The following FSTL5 variants were observed in gnomAD, a reference collection of about 807,000 sequenced individuals.
FSTL5 encodes follistatin-related protein 5.
A neutral mutation model predicts 89.1 loss-of-function variants in FSTL5; 62 were observed. The observed-to-expected ratio is 0.70, with a 90% CI of 0.57 to 0.86. FSTL5 has a LOEUF of 0.86. FSTL5 is among the 40% of genes least tolerant of loss of function. The pLI is 0.00. For missense variants in FSTL5, 1,057 were observed against 1,001.6 expected (o/e 1.06, Z -0.75); for synonymous variants, 383 against 346.2 (o/e 1.11, Z -1.18).
chr4:161,469,592 C>T (rs1308696977), intron 13 of FSTL5, among the ~76,000 whole-genome samples: 3 of 151,492 alleles, frequency 2.0e-5, no homozygotes, highest in Admixed American at 6.6e-5. Context: ...ATATGTATAA[C>T]GTCTTTGAAA....
intron 3 of FSTL5, among the ~76,000 whole-genome samples, chr4:161,975,737 A>C (rs1578908962): frequency 6.7e-6 from 1 of 148,372 alleles, no homozygotes; most frequent in Admixed American, 6.9e-5. Flanking sequence ...CATGTACCCT[A>C]AAACTTAAAG....
Position 161,385,346 on chromosome 4 carries a change from A to C in FSTL5, c.*401T>G, listed in dbSNP as rs772053163. 4.9e-5 allele frequency: 8 copies of C among 164,848 alleles called. No individual in the cohort carries two copies. The highest frequency in any genetic ancestry group is 9.3e-5 in the Non-Finnish European group (7 of 75,610). 10.2% of individuals were successfully genotyped at this position (164,848 alleles called of 1,614,324 possible). ...GAATTAAGAATTTTAAGTTTCCACA[A>C]CACCTTTTATTTCTTGTTTAATCAT... On this transcript the variant is annotated 3_prime_UTR_variant, in exon 16 of 16. Coordinates refer to ENST00000306100, the MANE Select transcript of FSTL5 (RefSeq NM_020116.5).
intron 7 of FSTL5, among the ~76,000 whole-genome samples, chr4:161,593,728 A>T (rs889965372): frequency 1.3e-5 from 2 of 152,128 alleles, no homozygotes; most frequent in Non-Finnish European, 2.9e-5. Context: ...ACATTTCTAC[A>T]GCTCCCAGAG....
intron 6 of FSTL5, among the ~76,000 whole-genome samples, chr4:161,733,881 G>A (rs994885945): frequency 6.6e-6 from 1 of 151,844 alleles, no homozygotes; most frequent in African/African-American, 2.4e-5. Context: ...GAGTTATCTA[G>A]ACTAAACCTT....
chr4:161,415,651 T>TAC (rs1452096840), intron 15 of FSTL5, among the ~76,000 whole-genome samples: 1 of 145,886 alleles, frequency 6.9e-6, no homozygotes, highest in Non-Finnish European at 1.5e-5. Flanking sequence ...TTATAGGGGA[T>TAC]ACATATATAT....
chr4:161,429,771 T>C (rs528801952), intron 15 of FSTL5, among the ~76,000 whole-genome samples: 24 of 152,258 alleles, frequency 1.6e-4, no homozygotes, highest in Middle Eastern at 6.8e-3. Flanking sequence ...TCCCAGACTG[T>C]GAAAACTACA....
At chr4:161,745,738 C>G (rs1018182388) in intron 6 of FSTL5, among the ~76,000 whole-genome samples, 1 of 151,628 alleles carries the variant, frequency 6.6e-6, no homozygotes, top group African/African-American at 2.4e-5. Flanking sequence ...TTTTATATAT[C>G]CTAGCAAATG....
chr4:161,565,830 G>A lies in FSTL5; in HGVS notation c.1015+21625C>T, dbSNP rs1036408234. ...CTCTTCATTGGTTGATGGACACTTA[G>A]ATTGGTTCCATATCTTTGCAATTGT... On this transcript the variant is annotated intron_variant, in intron 8 of 15. Transcript: ENST00000306100. Among the ~76,000 whole-genome samples the A allele has an allele frequency of 2.0e-5, 3 of 147,620 alleles. No individual in the cohort carries two copies. The Admixed American group carries it at 2.1e-4, about 10-fold the overall frequency.
intron 6 of FSTL5, among the ~76,000 whole-genome samples, chr4:161,687,192 G>T (rs1466313498): frequency 6.6e-6 from 1 of 152,092 alleles, no homozygotes; most frequent in Non-Finnish European, 1.5e-5. Context: ...AAGAACAATG[G>T]CTAGTGACAT....
At chr4:161,751,163 A>C (rs191165023) in intron 6 of FSTL5, among the ~76,000 whole-genome samples, 18 of 152,246 alleles carry the variant, frequency 1.2e-4, no homozygotes, top group Admixed American at 5.9e-4. Context: ...GTAATCTTAC[A>C]AATGGGACAT....
intron 7 of FSTL5, among the ~76,000 whole-genome samples, chr4:161,620,565 A>G (rs994428116): frequency 1.3e-5 from 2 of 152,192 alleles, no homozygotes; most frequent in African/African-American, 4.8e-5. Flanking sequence ...CTGAGGTAGG[A>G]GAATCGCTTG....
In FSTL5 at chr4:161,970,564, T is replaced by G. The variant is rs537408158; in HGVS notation, c.161-49912A>C. Among the ~76,000 whole-genome samples, 11 of 152,226 alleles carry G rather than the reference T, an allele frequency of 7.2e-5. No homozygotes were observed. The East Asian group carries it at 2.1e-3, about 29-fold the overall frequency. On this transcript the variant is annotated intron_variant, in intron 3 of 15. Transcript: ENST00000306100. ...TAACTTACAAATTTCAAGAATCGGT[T>G]GTCCAGATTGAACTAAGAGAAAAAA...
intron 3 of FSTL5, among the ~76,000 whole-genome samples, chr4:162,012,066 T>A (rs1736784628): frequency 6.6e-6 from 1 of 152,196 alleles, no homozygotes; most frequent in Admixed American, 6.5e-5. Context: ...GCCTTGATGT[T>A]CAGTAAGCGC....
At chr4:161,965,740 G>A (rs1210786700) in intron 3 of FSTL5, among the ~76,000 whole-genome samples, 1 of 152,076 alleles carries the variant, frequency 6.6e-6, no homozygotes, top group East Asian at 1.9e-4. Flanking sequence ...CCTTGTTCAT[G>A]CTGTGCTGGG....
intron 13 of FSTL5, among the ~76,000 whole-genome samples, chr4:161,476,129 G>A (rs1308203746): frequency 7.2e-6 from 1 of 139,244 alleles, no homozygotes; most frequent in Non-Finnish European, 1.5e-5. Flanking sequence ...TAATAATTGT[G>A]ATAATTCTAG....
At chr4:161,605,999 T>C (rs1734425529) in intron 7 of FSTL5, among the ~76,000 whole-genome samples, 1 of 152,178 alleles carries the variant, frequency 6.6e-6, no homozygotes, top group Non-Finnish European at 1.5e-5. Context: ...CTGCTCTCTC[T>C]TGGATGATTG....
chr4:161,999,376 A>G (rs1196258582), intron 3 of FSTL5, among the ~76,000 whole-genome samples: 1 of 152,214 alleles, frequency 6.6e-6, no homozygotes, highest in African/African-American at 2.4e-5. Context: ...TTAGTATTGT[A>G]ATTTGTAAAT....
intron 10 of FSTL5, among the ~76,000 whole-genome samples, chr4:161,511,496 C>T (rs983576187): frequency 6.6e-6 from 1 of 151,996 alleles, no homozygotes; most frequent in South Asian, 2.1e-4. Flanking sequence ...GTTCTTGTGC[C>T]AGCAGTGCAC....
chr4:161,400,656 G>A (rs888762617), intron 15 of FSTL5, among the ~76,000 whole-genome samples: 1 of 152,066 alleles, frequency 6.6e-6, no homozygotes, highest in African/African-American at 2.4e-5. Flanking sequence ...AAAGGGCATA[G>A]TTACTAAATA....
Sources: allele counts gnomAD v4.1 joint callset (sites outside exome capture counted in the v4.1 genomes callset), GRCh38; gene constraint gnomAD v4.1.1; transcripts MANE v1.5; gene names NCBI Gene and HGNC (gene_info 2026-07-23, HGNC 2026-07-21).